Variants in MAML2 observed in about 807,000 individuals in gnomAD.
MAML2 encodes the protein mastermind like transcriptional coactivator 2.
In MAML2, 22 loss-of-function variants were observed where a neutral mutation model predicts 96.1. The ratio of observed to expected loss-of-function variants is 0.23; its 90% CI spans 0.16 to 0.33. MAML2 has a LOEUF of 0.33. MAML2 is among the 10% of genes least tolerant of loss of function. MAML2 has a pLI of 1.00. For synonymous variants in MAML2, 561 were observed against 521.3 expected, an observed-to-expected ratio of 1.08 and a Z score of -1.04; for missense variants, 1,367 against 1,392.4, an observed-to-expected ratio of 0.98 and a Z score of 0.29.
chr11:96,328,448 T>C (rs1863813581), intron 1 of MAML2, among the ~76,000 whole-genome samples: 1 of 151,990 alleles, frequency 6.6e-6, no homozygotes, highest in African/African-American at 2.4e-5. Context: ...CCAAATGACC[T>C]TGCTCACTTT....
chr11:96,315,224 T>C (rs1386752481), intron 1 of MAML2, among the ~76,000 whole-genome samples: 1 of 151,866 alleles, frequency 6.6e-6, no homozygotes, highest in Admixed American at 6.6e-5. Flanking sequence ...GGGAATGGTA[T>C]TGAAAAAATG....
chr11:96,338,768 A>G (rs1863950592), intron 1 of MAML2, among the ~76,000 whole-genome samples: 1 of 152,258 alleles, frequency 6.6e-6, no homozygotes, highest in Admixed American at 6.5e-5. Flanking sequence ...CCTAAGTCAC[A>G]TAAATCTGGT....
intron 1 of MAML2, among the ~76,000 whole-genome samples, chr11:96,234,607 T>C (rs886222640): frequency 6.6e-6 from 1 of 152,234 alleles, no homozygotes; most frequent in African/African-American, 2.4e-5. Context: ...TGTCTCTCCC[T>C]CTCTTTCTGT....
In MAML2 at chr11:96,217,865, T is replaced by C. The variant is rs552422856; in HGVS notation, c.513+123518A>G. On this transcript the variant is annotated intron_variant, in intron 1 of 4. Transcript: ENST00000524717. ...CAGTACTTCTTTGGTAAACCTTCCA[T>C]AGGAAGATTACGACAATTTTAGTGA... 3.9e-5 allele frequency among the ~76,000 whole-genome samples: 6 copies of C among 152,332 alleles called. No homozygotes were observed. The East Asian group carries it at 9.6e-4, about 24-fold the overall frequency.
intron 1 of MAML2, among the ~76,000 whole-genome samples, chr11:96,154,363 C>T (rs2135881431): frequency 6.6e-6 from 1 of 152,330 alleles, no homozygotes; most frequent in South Asian, 2.1e-4. Context: ...TTGCTACCAG[C>T]ACATACACTT....
At chr11:96,075,755 T>C (rs1246995321) in intron 2 of MAML2, among the ~76,000 whole-genome samples, 1 of 152,218 alleles carries the variant, frequency 6.6e-6, no homozygotes, top group Non-Finnish European at 1.5e-5. Context: ...CCAAGTTCTC[T>C]TTTTCTTTGT....
chr11:96,316,934 T>C (rs1403598403), intron 1 of MAML2, among the ~76,000 whole-genome samples: 1 of 152,190 alleles, frequency 6.6e-6, no homozygotes, highest in African/African-American at 2.4e-5. Flanking sequence ...GAGCAGATAG[T>C]TGGACTCCTC....
At chr11:96,155,505 T>A (rs1390459421) in intron 1 of MAML2, among the ~76,000 whole-genome samples, 1 of 104,410 alleles carries the variant, frequency 9.6e-6, no homozygotes, top group Non-Finnish European at 1.9e-5. Context: ...GCTGTAACAA[T>A]TCAAATATAT....
intron 2 of MAML2, among the ~76,000 whole-genome samples, chr11:96,025,680 C>T (rs975740255): frequency 2.6e-5 from 4 of 152,134 alleles, no homozygotes; most frequent in South Asian, 2.1e-4. Context: ...CAGCTTCCCA[C>T]GTAGCTGGGA....
chr11:96,171,805 T>C (rs1198248053), intron 1 of MAML2, among the ~76,000 whole-genome samples: 2 of 148,738 alleles, frequency 1.3e-5, no homozygotes, highest in African/African-American at 2.5e-5. Flanking sequence ...GCAAAGGAGG[T>C]TGTGCATTCT....
At position 96,274,725 on chromosome 11, in the gene MAML2, A is replaced by G. The variant is rs528501394; in HGVS notation, c.513+66658T>C. On this transcript the variant is annotated intron_variant, in intron 1 of 4. Transcript: ENST00000524717. The stretch of plus-strand genomic sequence containing the variant: ...GAAACAGATGCTGCTCATGAGCTAT[A>G]TAGCTCATATGTCTAACTCTTTTAT... Among the ~76,000 whole-genome samples, 6 of 152,326 alleles carry G rather than the reference A, an allele frequency of 3.9e-5. No individual in the cohort carries two copies. In the South Asian group the frequency reaches 1.0e-3, roughly 26 times the overall value.
intron 1 of MAML2, among the ~76,000 whole-genome samples, chr11:96,320,327 T>G (rs1057406959): frequency 6.6e-6 from 1 of 152,168 alleles, no homozygotes; most frequent in Non-Finnish European, 1.5e-5. Flanking sequence ...AGGGAGTCAT[T>G]AGACATGAAA....
At chr11:96,100,735 C>CTTTTTTTTTTTTTTTTTTT (rs66593553) in intron 1 of MAML2, among the ~76,000 whole-genome samples, 2 of 136,160 alleles carry the variant, frequency 1.5e-5, no homozygotes, top group Non-Finnish European at 3.1e-5. Context: ...GTCAAAATAG[C>CTTTTTTTTTTTTTTTTTTT]TTTTTTTTTT....
intron 1 of MAML2, among the ~76,000 whole-genome samples, chr11:96,304,321 G>T (rs1027844964): frequency 6.6e-6 from 1 of 152,174 alleles, no homozygotes; most frequent in Non-Finnish European, 1.5e-5. Flanking sequence ...ATCCACAAAA[G>T]GGTTGATGAG....
chr11:96,124,019 G>A (rs544977097), intron 1 of MAML2, among the ~76,000 whole-genome samples: 3 of 146,992 alleles, frequency 2.0e-5, no homozygotes, highest in African/African-American at 5.0e-5. Flanking sequence ...GCAGTGAGCC[G>A]AGATCGGGCC....
chr11:96,154,944 C>G (rs1860986527), intron 1 of MAML2, among the ~76,000 whole-genome samples: 3 of 152,180 alleles, frequency 2.0e-5, no homozygotes, highest in Admixed American at 2.0e-4. Flanking sequence ...ACACTCCGGC[C>G]TCTTGGCTCC....
intron 1 of MAML2, among the ~76,000 whole-genome samples, chr11:96,291,327 C>T (rs1021364664): frequency 2.0e-5 from 3 of 151,744 alleles, no homozygotes; most frequent in South Asian, 2.1e-4. Context: ...GGTTACACCA[C>T]GTTGGCCAGG....
chr11:96,297,872 C>T (rs1460895473), intron 1 of MAML2, among the ~76,000 whole-genome samples: 1 of 152,100 alleles, frequency 6.6e-6, no homozygotes, highest in Non-Finnish European at 1.5e-5. Context: ...ACCAAAATGT[C>T]ACTATTATAC....
At chr11:96,177,418 T>C (rs1349738399) in intron 1 of MAML2, among the ~76,000 whole-genome samples, 2 of 152,202 alleles carry the variant, frequency 1.3e-5, no homozygotes, top group Admixed American at 6.5e-5. Flanking sequence ...ATCATTCCTT[T>C]TCACAACATA....
Sources: gnomAD v4.1 joint callset for allele counts (sites outside exome capture counted in the v4.1 genomes callset) on GRCh38, gnomAD v4.1.1 for gene constraint, MANE v1.5 for transcripts, NCBI Gene and HGNC (gene_info 2026-07-23, HGNC 2026-07-21) for gene names.